Variants in NLK observed in about 807,000 individuals in gnomAD.
NLK encodes the protein serine/threonine-protein kinase NLK.
A neutral mutation model predicts 59.0 loss-of-function variants in NLK; 11 were observed. The ratio of observed to expected loss-of-function variants is 0.19; its 90% CI spans 0.12 to 0.31. The LOEUF (loss-of-function observed/expected upper bound fraction) is 0.31, where lower values mean the gene tolerates loss of function less well. NLK is among the 10% of genes least tolerant of loss of function. NLK has a pLI of 1.00. For synonymous variants in NLK, 235 were observed against 235.9 expected, an observed-to-expected ratio of 1.00 and a Z score of 0.03; for missense variants, 410 against 661.1, an observed-to-expected ratio of 0.62 and a Z score of 4.16.
intron 7 of NLK, 66 bp from the exon 8 acceptor site, chr17:28,185,113 G>C (rs897050516): frequency 2.6e-5 from 22 of 835,226 alleles, no homozygotes; most frequent in Non-Finnish European, 2.8e-5. Context: ...ATCATAAATT[G>C]GCTGTATTCC....
intron 7 of NLK, among the ~76,000 whole-genome samples, chr17:28,173,582 A>G (rs185427439): frequency 9.2e-5 from 14 of 152,352 alleles, no homozygotes; most frequent in African/African-American, 3.4e-4. Context: ...AGCCCAGGCT[A>G]GTAAATAGAG....
chr17:28,192,833 G>A (rs1230511951), intron 10 of NLK, among the ~76,000 whole-genome samples: 4 of 152,202 alleles, frequency 2.6e-5, no homozygotes, highest in Non-Finnish European at 4.4e-5. Flanking sequence ...GGAGTTAGAC[G>A]TGGTCATCTC....
At chr17:28,117,624 G>T (rs1403160920) in intron 1 of NLK, among the ~76,000 whole-genome samples, 1 of 152,178 alleles carries the variant, frequency 6.6e-6, no homozygotes, top group Non-Finnish European at 1.5e-5. Flanking sequence ...ATGAAGAAAA[G>T]AATGAACTGT....
At chr17:28,188,893 G>C (rs1909213391) in intron 8 of NLK, among the ~76,000 whole-genome samples, 1 of 151,988 alleles carries the variant, frequency 6.6e-6, no homozygotes, top group Non-Finnish European at 1.5e-5. Context: ...TCACATGTCT[G>C]CTCCTGAACT....
intron 3 of NLK, among the ~76,000 whole-genome samples, chr17:28,136,161 T>TA (rs1472808975): frequency 6.6e-6 from 1 of 152,240 alleles, no homozygotes. Context: ...TTAAATGTTT[T>TA]ATTTTATTTC....
At chr17:28,082,837 A>C (rs901605530) in intron 1 of NLK, among the ~76,000 whole-genome samples, 1 of 152,202 alleles carries the variant, frequency 6.6e-6, no homozygotes, top group Non-Finnish European at 1.5e-5. Context: ...ACATCTTAGA[A>C]TTTTCTCACT....
At chr17:28,161,369 TAAAG>T in intron 4 of NLK, 103 bp downstream of exon 4, 1 of 626,612 alleles carries the variant, frequency 1.6e-6, no homozygotes, top group Non-Finnish European at 2.8e-6. Flanking sequence ...TCTTCTTCTC[TAAAG>T]ACTTTTTTCT....
chr17:28,136,891 C>T (rs560011543), intron 3 of NLK, among the ~76,000 whole-genome samples: 23 of 149,560 alleles, frequency 1.5e-4, no homozygotes, highest in African/African-American at 5.4e-4. Flanking sequence ...AGGCATGAGC[C>T]ACTGTGCCTG....
intron 10 of NLK, among the ~76,000 whole-genome samples, chr17:28,193,176 A>T (rs1909369648): frequency 1.3e-5 from 2 of 152,200 alleles, no homozygotes; most frequent in South Asian, 4.1e-4. Context: ...ATAAAAGAGG[A>T]TTCTGAAGGC....
intron 3 of NLK, among the ~76,000 whole-genome samples, chr17:28,160,204 T>C (rs1249329273): frequency 6.6e-6 from 1 of 152,114 alleles, no homozygotes; most frequent in Non-Finnish European, 1.5e-5. Flanking sequence ...CAACGTACAA[T>C]GATTGAAGGA....
chr17:28,084,386 T>A lies in NLK; in HGVS notation c.459-38217T>A, dbSNP rs189478198. Among the ~76,000 whole-genome samples, 138 of 152,244 alleles carry A rather than the reference T, an allele frequency of 9.1e-4. 1 individual carries two copies. The highest frequency in any genetic ancestry group is 3.2e-3 in the African/African-American group (133 of 41,532). On this transcript the variant is annotated intron_variant, in intron 1 of 10. Transcript: ENST00000407008. ...AGGTTTCTTGAGTTAGGAAATACTG[T>A]TTTGTTAAGTGTCTAACTCAAAGTC...
intron 1 of NLK, among the ~76,000 whole-genome samples, chr17:28,120,235 GGTGTGTGTGTGTGT>G (rs10542547): frequency 2.2e-5 from 3 of 139,184 alleles, no homozygotes; most frequent in African/African-American, 5.4e-5. Context: ...TTTGGCTTGG[GGTGTGTGTGTGTGT>G]GTGTGTGTGT....
At chr17:28,121,813 C>G (rs533388097) in intron 1 of NLK, among the ~76,000 whole-genome samples, 43 of 152,050 alleles carry the variant, frequency 2.8e-4, no homozygotes, top group African/African-American at 1.0e-3. Context: ...ATTCTTTTAC[C>G]TATTTAGTTA....
intron 2 of NLK, among the ~76,000 whole-genome samples, chr17:28,131,955 C>T (rs1042918001): frequency 2.0e-5 from 3 of 152,136 alleles, no homozygotes; most frequent in African/African-American, 7.2e-5. Context: ...TCTTCCTACC[C>T]TCTATATTCA....
chr17:28,143,785 C>T (rs1597707085), intron 3 of NLK, among the ~76,000 whole-genome samples: 1 of 152,294 alleles, frequency 6.6e-6, no homozygotes, highest in South Asian at 2.1e-4. Context: ...ATGGCAAAAG[C>T]TTTTGACCTG....
chr17:28,127,381 G>A (rs1380565), intron 2 of NLK, among the ~76,000 whole-genome samples: 93,598 of 152,018 alleles, frequency 0.62, 28,926 homozygotes, highest in East Asian at 0.65. Flanking sequence ...GAATCATACA[G>A]TATGGGAAAA....
intron 1 of NLK, among the ~76,000 whole-genome samples, chr17:28,082,877 AG>A (rs1395806424): frequency 6.6e-6 from 1 of 152,238 alleles, no homozygotes; most frequent in Non-Finnish European, 1.5e-5. Context: ...ATAGAAATTT[AG>A]GAGGAAATTT....
chr17:28,146,958 A>T (rs1907280785), intron 3 of NLK, among the ~76,000 whole-genome samples: 1 of 152,202 alleles, frequency 6.6e-6, no homozygotes, highest in Admixed American at 6.5e-5. Context: ...TTAAAGCTGG[A>T]TGCCTAACAC....
intron 2 of NLK, among the ~76,000 whole-genome samples, chr17:28,123,572 G>A (rs1906164370): frequency 6.6e-6 from 1 of 152,122 alleles, no homozygotes; most frequent in Non-Finnish European, 1.5e-5. Context: ...TGATTTAAGT[G>A]GAAATAATTG....
Sources: allele counts gnomAD v4.1 joint callset (sites outside exome capture counted in the v4.1 genomes callset), GRCh38; gene constraint gnomAD v4.1.1; transcripts MANE v1.5; gene names NCBI Gene and HGNC (gene_info 2026-07-23, HGNC 2026-07-21).